The following RAB8B variants were observed in gnomAD, a reference collection of about 807,000 sequenced individuals.
RAB8B encodes the protein ras-related protein Rab-8B.
Under a neutral mutation model 32.0 loss-of-function variants are expected in RAB8B, and 11 were observed. The ratio of observed to expected loss-of-function variants is 0.34; its 90% CI spans 0.22 to 0.57. RAB8B has a LOEUF of 0.57. RAB8B is among the 20% of genes least tolerant of loss of function. RAB8B has a pLI of 0.86. For missense variants in RAB8B, 190 were observed against 258.5 expected (o/e 0.73, Z 1.82); for synonymous variants, 103 against 89.6 (o/e 1.15, Z -0.85).
chr15:63,220,177 G>A (rs1162716033), intron 1 of RAB8B, among the ~76,000 whole-genome samples: 2 of 152,068 alleles, frequency 1.3e-5, no homozygotes, highest in African/African-American at 2.4e-5. Context: ...AAAATCACCC[G>A]AACCCCTAAA....
Position 63,265,760 on chromosome 15 carries a change from G to C in RAB8B, c.*2141G>C, listed in dbSNP as rs574200085. 6.6e-6 allele frequency: 1 copy of C among 152,322 alleles called. No individual in the cohort carries two copies. The highest frequency in any genetic ancestry group is 2.1e-4 in the South Asian group (1 of 4,816). The allele number at this position is 152,322 out of a possible 1,614,324, so 9.4% of individuals were successfully genotyped here. On this transcript the variant is annotated 3_prime_UTR_variant, in exon 8 of 8. Transcript: ENST00000321437. This position sits in a 1 kb window ranked among gnomAD's most constrained non-coding sequence, Gnocchi z 4.9. ...GCTTTTATTACTTTTTTTTTTAACA[G>C]AATGCTTTGCTTTGGTTATATTTCT...
intron 1 of RAB8B, among the ~76,000 whole-genome samples, chr15:63,214,249 G>A (rs1172399277): frequency 6.9e-6 from 1 of 144,484 alleles, no homozygotes; most frequent in African/African-American, 2.6e-5. Context: ...ATTCAACAGT[G>A]TTGAATTCCT....
rs1322874320 is a variant in RAB8B at position 63,264,468 on chromosome 15, A to G, written c.*849A>G. The G allele has an allele frequency of 2.0e-5, 3 of 152,222 alleles. No homozygotes were observed. The highest frequency in any genetic ancestry group is 7.2e-5 in the African/African-American group (3 of 41,454). 9.4% of individuals were successfully genotyped at this position (152,222 alleles called of 1,614,324 possible). On this transcript the variant is annotated 3_prime_UTR_variant, in exon 8 of 8. Transcript: ENST00000321437. ...TGAAATTTTACGTGGGCTGAGAGAT[A>G]TACCATTTAGGGTTTTAGTGCAGCA...
At chr15:63,241,692 T>A (rs527795139) in intron 1 of RAB8B, among the ~76,000 whole-genome samples, 4 of 152,310 alleles carry the variant, frequency 2.6e-5, no homozygotes, top group African/African-American at 4.8e-5. Flanking sequence ...TGAATTTTTT[T>A]AAAATGTTAA....
chr15:63,195,562 G>A (rs1567007108), intron 1 of RAB8B, among the ~76,000 whole-genome samples: 1 of 152,158 alleles, frequency 6.6e-6, no homozygotes, highest in Non-Finnish European at 1.5e-5. Flanking sequence ...TAGTCTTTGA[G>A]GACAAAGAAA....
At chr15:63,206,479 T>G (rs1016344168) in intron 1 of RAB8B, among the ~76,000 whole-genome samples, 6 of 152,166 alleles carry the variant, frequency 3.9e-5, no homozygotes, top group South Asian at 2.1e-4. Context: ...GCATCCTTTC[T>G]TATCATCTCT....
intron 1 of RAB8B, among the ~76,000 whole-genome samples, chr15:63,196,137 TC>T (rs2141106087): frequency 6.6e-6 from 1 of 152,244 alleles, no homozygotes; most frequent in East Asian, 1.9e-4. Context: ...TCATAAAAAC[TC>T]AACTTTATGG....
At chr15:63,210,705 C>G (rs548789654) in intron 1 of RAB8B, among the ~76,000 whole-genome samples, 3 of 152,176 alleles carry the variant, frequency 2.0e-5, no homozygotes, top group Non-Finnish European at 4.4e-5. Flanking sequence ...CGTGGCCTCC[C>G]GCTGTCTTTT....
chr15:63,195,160 T>C (rs375369801), intron 1 of RAB8B, among the ~76,000 whole-genome samples: 8 of 152,372 alleles, frequency 5.3e-5, no homozygotes, highest in African/African-American at 1.9e-4. Flanking sequence ...TTGAACATTT[T>C]GTACATAAAG....
Position 63,241,197 on chromosome 15 carries a change from A to G in RAB8B, c.125-3559A>G, listed in dbSNP as rs917176676. Among the ~76,000 whole-genome samples, 4 of 152,230 alleles carry G rather than the reference A, an allele frequency of 2.6e-5. No individual in the cohort carries two copies. The East Asian group carries it at 7.7e-4, about 29-fold the overall frequency. ...ATCTCTACTGAAAATACCAAAGTTA[A>G]CTGGGTGTAGTGGAGCACACTGTAA... On this transcript the variant is annotated intron_variant, in intron 1 of 7. Transcript: ENST00000321437.
At position 63,265,931 on chromosome 15, in the gene RAB8B, G is replaced by A. The variant is rs2038242643; in HGVS notation, c.*2312G>A. 6.6e-6 allele frequency: 1 copy of A among 152,496 alleles called. No individual in the cohort carries two copies. Among genetic ancestry groups the A allele is most frequent in the Non-Finnish European group, 1.5e-5 (1 of 67,986 alleles). 9.4% of individuals were successfully genotyped at this position (152,496 alleles called of 1,614,324 possible). ...ATGCTCTGTTATATAGAAATAAATT[G>A]TCCTTGCTATTTTCTTACATTTAGC... is the stretch of plus-strand genomic sequence containing the variant. On this transcript the variant is annotated 3_prime_UTR_variant, in exon 8 of 8. Transcript: ENST00000321437. The surrounding 1 kb of genome is among the most constrained non-coding windows in gnomAD (Gnocchi z 4.9).
intron 1 of RAB8B, among the ~76,000 whole-genome samples, chr15:63,222,561 G>A (rs1193338220): frequency 9.9e-5 from 15 of 152,142 alleles, no homozygotes; most frequent in African/African-American, 2.9e-4. Flanking sequence ...TATTTGAGAC[G>A]GAGTCTCACT....
At chr15:63,204,958 G>T (rs1246473712) in intron 1 of RAB8B, among the ~76,000 whole-genome samples, 2 of 151,908 alleles carry the variant, frequency 1.3e-5, no homozygotes, top group African/African-American at 4.8e-5. Flanking sequence ...AGGAGTTAGA[G>T]ACCAGCCTAG....
chr15:63,199,337 G>A (rs966303476), intron 1 of RAB8B, among the ~76,000 whole-genome samples: 2 of 152,110 alleles, frequency 1.3e-5, no homozygotes, highest in Non-Finnish European at 1.5e-5. Context: ...CTTTGACTTC[G>A]ATTTTTCTCT....
At chr15:63,205,752 C>T (rs1187299086) in intron 1 of RAB8B, among the ~76,000 whole-genome samples, 2 of 152,096 alleles carry the variant, frequency 1.3e-5, no homozygotes, top group Non-Finnish European at 2.9e-5. Flanking sequence ...AAAACCATGC[C>T]GTGAAACTCT....
At chr15:63,215,895 A>G (rs748954234) in intron 1 of RAB8B, among the ~76,000 whole-genome samples, 12 of 151,986 alleles carry the variant, frequency 7.9e-5, no homozygotes, top group Non-Finnish European at 1.3e-4. Context: ...AAAATTAGCC[A>G]GGTGTGGTGA....
chr15:63,263,667 C>A lies in RAB8B; in HGVS notation c.*48C>A. On this transcript the variant is annotated 3_prime_UTR_variant, in exon 8 of 8. Coordinates refer to ENST00000321437, the MANE Select transcript of RAB8B (RefSeq NM_016530.3). Reference sequence around the variant, plus strand: ...AGCACACCTAGAGGGCCCTTTCCTGCTTCTCTGAAAGCACAGGTCACCCAG... The same window carrying A: ...AGCACACCTAGAGGGCCCTTTCCTGATTCTCTGAAAGCACAGGTCACCCAG... 6.9e-7 allele frequency: 1 copy of A among 1,456,114 alleles called. No homozygotes were observed. Among genetic ancestry groups the A allele is most frequent in the Non-Finnish European group, 9.6e-7 (1 of 1,039,324 alleles). 90.2% of individuals were successfully genotyped at this position (1,456,114 alleles called of 1,614,324 possible).
intron 1 of RAB8B, among the ~76,000 whole-genome samples, chr15:63,232,697 G>T (rs1052868130): frequency 2.7e-5 from 4 of 150,880 alleles, no homozygotes; most frequent in African/African-American, 9.7e-5. Flanking sequence ...AGTTTATCAG[G>T]TTTTTTTTTA....
At chr15:63,221,501 C>CT (rs2037844156) in intron 1 of RAB8B, among the ~76,000 whole-genome samples, 1 of 152,180 alleles carries the variant, frequency 6.6e-6, no homozygotes, top group African/African-American at 2.4e-5. Flanking sequence ...ACATCGCTGA[C>CT]TCAGTGACAA....
Sources: allele counts gnomAD v4.1 joint callset (sites outside exome capture counted in the v4.1 genomes callset), GRCh38; gene constraint gnomAD v4.1.1; non-coding constraint Gnocchi (gnomAD v3.1); transcripts MANE v1.5; gene names NCBI Gene and HGNC (gene_info 2026-07-23, HGNC 2026-07-21).